PCLO: variants seen among roughly 807,000 people sequenced by gnomAD.
PCLO encodes protein piccolo.
In PCLO, 82 loss-of-function variants were observed where a neutral mutation model predicts 427.5. The observed-to-expected ratio is 0.19, with a 90% CI of 0.16 to 0.23. The LOEUF is 0.23. Ranked by LOEUF, PCLO falls within the 10% of genes least tolerant of loss-of-function variation. PCLO has a pLI of 1.00. For missense variants in PCLO, 6,239 were observed against 6,115.9 expected (o/e 1.02, Z -0.67); for synonymous variants, 2,357 against 2,155.4 (o/e 1.09, Z -2.59).
chr7:83,084,136 G>T (rs767567636), intron 3 of PCLO, among the ~76,000 whole-genome samples: 11 of 152,026 alleles, frequency 7.2e-5, no homozygotes, highest in Non-Finnish European at 1.5e-4. Flanking sequence ...ATCTATCAAT[G>T]AAAGAAATTC....
In PCLO at chr7:82,949,751, C is replaced by G. The variant is rs370030206; in HGVS notation, c.10837G>C (p.Ala3613Pro). Reference protein sequence around the residue: ...HLRADSTVQLAPSPPKSPKVL... With the variant: ...HLRADSTVQLPPSPPKSPKVL... ...TTGGGGGATTTGGGTGGGGAAGGAGCCAGCTGTACTGTGGAATCTGCCCGG... is the reference window on the plus strand; with the variant it reads ...TTGGGGGATTTGGGTGGGGAAGGAGGCAGCTGTACTGTGGAATCTGCCCGG... The change falls in exon 6 of 25, where the codon GCT becomes CCT. Residue 3613 changes from alanine (A) to proline (P), a missense_variant. Coordinates refer to ENST00000333891, the MANE Select transcript of PCLO (RefSeq NM_033026.6). 3 of 1,613,528 alleles carry G rather than the reference C, an allele frequency of 1.9e-6. No homozygotes were observed. The highest frequency in any genetic ancestry group is 2.5e-6 in the Non-Finnish European group (3 of 1,179,808).
At chr7:82,926,732 T>C (rs1347714618) in intron 6 of PCLO, among the ~76,000 whole-genome samples, 1 of 152,204 alleles carries the variant, frequency 6.6e-6, no homozygotes, top group Non-Finnish European at 1.5e-5. Context: ...CCAGTCTGTG[T>C]GACACTTATT....
Position 82,951,297 on chromosome 7 carries a change from T to C in PCLO, c.9291A>G (p.Thr3097=), listed in dbSNP as rs1169775566. ...GTGTGGTGATAGCAAATGTAGAGGG[T>C]GTTGGAGTTGCTACTGAAGAATAGA... ...GVVYSSVATP[T]PSTFAITTQP... The change falls in exon 6 of 25, where the codon ACA becomes ACG. Residue 3097 remains threonine, a synonymous_variant. Coordinates refer to ENST00000333891, the MANE Select transcript of PCLO (RefSeq NM_033026.6). 6.2e-7 allele frequency: 1 copy of C among 1,612,980 alleles called. No individual in the cohort carries two copies. The highest frequency in any genetic ancestry group is 1.7e-5 in the Admixed American group (1 of 59,890).
intron 3 of PCLO, among the ~76,000 whole-genome samples, chr7:82,970,014 C>T (rs7777320): frequency 0.013 from 1,921 of 152,034 alleles, 46 homozygotes; most frequent in African/African-American, 0.043. Flanking sequence ...AGCAATCAGT[C>T]AAAATGTAAA....
chr7:82,897,811 G>A (rs1022227548), intron 9 of PCLO, among the ~76,000 whole-genome samples: 1 of 150,814 alleles, frequency 6.6e-6, no homozygotes, highest in African/African-American at 2.4e-5. Flanking sequence ...TTTCCTTTTC[G>A]AAAAAAACAT....
intron 10 of PCLO, among the ~76,000 whole-genome samples, chr7:82,874,463 C>T (rs920200852): frequency 6.6e-6 from 1 of 152,190 alleles, no homozygotes; most frequent in Admixed American, 6.6e-5. Context: ...AGTTTCCCTT[C>T]GTCATGAGAT....
chr7:82,960,831 A>G (rs10269932), intron 4 of PCLO, among the ~76,000 whole-genome samples: 9,140 of 152,222 alleles, frequency 0.06, 911 homozygotes, highest in African/African-American at 0.21. Context: ...AGAGTAAAAT[A>G]TTATACCAAG....
intron 3 of PCLO, among the ~76,000 whole-genome samples, chr7:83,016,283 A>C (rs1260670392): frequency 3.9e-5 from 6 of 152,204 alleles, no homozygotes; most frequent in African/African-American, 1.4e-4. Context: ...CAACGTGTGC[A>C]AATAGTAACC....
intron 22 of PCLO, among the ~76,000 whole-genome samples, chr7:82,798,276 C>G (rs1791269607): frequency 6.6e-6 from 1 of 152,034 alleles, no homozygotes; most frequent in African/African-American, 2.4e-5. Flanking sequence ...CTGTGCTTAT[C>G]TACAGAGTCA....
In PCLO at chr7:82,955,310, T is replaced by C. The variant is rs1795483465; in HGVS notation, c.5643A>G (p.Gln1881=). 6.2e-7 allele frequency: 1 copy of C among 1,613,414 alleles called. No individual in the cohort carries two copies. Among genetic ancestry groups the C allele is most frequent in the Non-Finnish European group, 8.5e-7 (1 of 1,179,752 alleles). Residue 1881 remains glutamine (Q), a synonymous_variant, in exon 5 of 25, where the codon CAA becomes CAG. Coordinates refer to ENST00000333891, the MANE Select transcript of PCLO (RefSeq NM_033026.6). ...CAGCTGTGGGCAATTTATAAACTTT[T>C]TGTACTTCTATTATTTTTTCCGGGC... ...EISPEKIIEV[Q]KVYKLPTAVS...
At chr7:83,100,532 T>A (rs1790711493) in intron 3 of PCLO, among the ~76,000 whole-genome samples, 1 of 152,156 alleles carries the variant, frequency 6.6e-6, no homozygotes, top group Admixed American at 6.6e-5. Context: ...GAGGCCATTA[T>A]CCTTAGCAAA....
At chr7:82,868,995 T>C (rs1247262399) in intron 10 of PCLO, among the ~76,000 whole-genome samples, 2 of 152,150 alleles carry the variant, frequency 1.3e-5, no homozygotes, top group Non-Finnish European at 2.9e-5. Flanking sequence ...CAAAAATTGC[T>C]GAAGTTTTAA....
intron 3 of PCLO, among the ~76,000 whole-genome samples, chr7:83,124,782 G>A (rs987765069): frequency 5.3e-5 from 8 of 151,780 alleles, no homozygotes; most frequent in Non-Finnish European, 1.2e-4. Flanking sequence ...TCCCTCTCCC[G>A]CTTTCCAGGG....
At chr7:82,886,122 A>T (rs1247347022) in intron 9 of PCLO, among the ~76,000 whole-genome samples, 1 of 152,162 alleles carries the variant, frequency 6.6e-6, no homozygotes. Context: ...CTCAGTCAAG[A>T]CCAAGGAGAG....
intron 3 of PCLO, among the ~76,000 whole-genome samples, chr7:83,124,598 G>A (rs1475418522): frequency 2.0e-5 from 3 of 152,136 alleles, no homozygotes; most frequent in African/African-American, 7.2e-5. Flanking sequence ...ATGGAGAATA[G>A]TATGGAAGTT....
At chr7:82,920,836 ATG>A (rs964296036) in intron 6 of PCLO, among the ~76,000 whole-genome samples, 1 of 151,792 alleles carries the variant, frequency 6.6e-6, no homozygotes. Flanking sequence ...CAACATGAGG[ATG>A]AGAAAAGAAA....
At chr7:82,945,355 C>T (rs1795179015) in intron 6 of PCLO, among the ~76,000 whole-genome samples, 2 of 151,998 alleles carry the variant, frequency 1.3e-5, no homozygotes, top group South Asian at 4.1e-4. Context: ...ACAAAAAGTA[C>T]AATATAGTGC....
intron 3 of PCLO, among the ~76,000 whole-genome samples, chr7:83,027,209 C>G (rs780714109): frequency 7.2e-6 from 1 of 139,266 alleles, no homozygotes; most frequent in Non-Finnish European, 1.6e-5. Flanking sequence ...AGACTGCTAG[C>G]AAGACTAATA....
chr7:83,025,180 A>G (rs1200052850), intron 3 of PCLO, among the ~76,000 whole-genome samples: 1 of 152,198 alleles, frequency 6.6e-6, no homozygotes, highest in Non-Finnish European at 1.5e-5. Context: ...TATTCAAACC[A>G]AAGGCAAAGA....
Sources: allele counts gnomAD v4.1 joint callset (sites outside exome capture counted in the v4.1 genomes callset), GRCh38; gene constraint gnomAD v4.1.1; transcripts MANE v1.5; gene names NCBI Gene and HGNC (gene_info 2026-07-23, HGNC 2026-07-21).